PRDM16: variants seen among roughly 807,000 people sequenced by gnomAD.
PRDM16 encodes histone-lysine N-methyltransferase PRDM16.
A neutral mutation model predicts 110.6 loss-of-function variants in PRDM16; 23 were observed. The observed-to-expected ratio is 0.21, with a 90% confidence interval of 0.15 to 0.29. The LOEUF (loss-of-function observed/expected upper bound fraction) is 0.29. PRDM16 is among the 10% of genes least tolerant of loss of function. The pLI, the probability that PRDM16 is intolerant of heterozygous loss-of-function variation, is 1.00. For synonymous variants in PRDM16, 799 were observed against 781.8 expected (o/e 1.02, Z -0.37); for missense variants, 1,615 against 1,794.3 (o/e 0.90, Z 1.81).
intron 2 of PRDM16, among the ~76,000 whole-genome samples, chr1:3,195,590 C>T (rs915394954): frequency 1.3e-5 from 2 of 149,542 alleles, no homozygotes; most frequent in South Asian, 4.3e-4. Flanking sequence ...CACGCCCCGC[C>T]CCCCCTGTCC....
chr1:3,181,782 AGTCTTACACATGCAGTCTTACACACG>A lies in PRDM16; in HGVS notation c.38-4329_38-4304del, dbSNP rs1186177854. 7.6e-4 allele frequency among the ~76,000 whole-genome samples: 108 copies of A among 141,708 alleles called. 2 individuals are homozygous for A. The highest frequency in any genetic ancestry group is 3.8e-3 in the Middle Eastern group (1 of 262). 93.0% of individuals were successfully genotyped at this position (141,708 alleles called of 152,430 possible). ...GTCTTACACACAGTCTTACACATGC[AGTCTTACACATGCAGTCTTACACACG>A]GTCTTACACATGCGGTCTTACACAT... On this transcript the variant is annotated intron_variant, in intron 1 of 16. Coordinates refer to ENST00000270722, the MANE Select transcript of PRDM16 (RefSeq NM_022114.4).
intron 1 of PRDM16, among the ~76,000 whole-genome samples, chr1:3,118,067 ATG>A (rs541637203): frequency 1.1e-3 from 168 of 149,112 alleles, no homozygotes; most frequent in Non-Finnish European, 1.1e-3. Context: ...GTGTACATGC[ATG>A]TGTGTGTGCG....
At chr1:3,336,569 GGTGT>G (rs1557617920) in intron 3 of PRDM16, among the ~76,000 whole-genome samples, 1 of 151,312 alleles carries the variant, frequency 6.6e-6, no homozygotes. Context: ...CATGTGTGTT[GGTGT>G]GAGTCTGAGT....
chr1:3,377,178 TC>T (rs1259431917), intron 3 of PRDM16, among the ~76,000 whole-genome samples: 1 of 152,152 alleles, frequency 6.6e-6, no homozygotes, highest in East Asian at 1.9e-4. Context: ...GGAGACCCTC[TC>T]CCCCGGCTCC....
chr1:3,194,592 TCTCCCCACCACACGCCACC>T (rs1638408994), intron 2 of PRDM16, among the ~76,000 whole-genome samples: 1 of 148,404 alleles, frequency 6.7e-6, no homozygotes, highest in African/African-American at 2.5e-5. Context: ...CACGCCACCG[TCTCCCCACCACACGCCACC>T]GTCTCCCCAC....
chr1:3,404,923 A>G (rs1309772814), intron 7 of PRDM16, 37 bp downstream of exon 7: 1 of 1,600,766 alleles, frequency 6.2e-7, no homozygotes, highest in Non-Finnish European at 8.5e-7. Context: ...GCCCCGGGGC[A>G]GCAGGAGGCT....
chr1:3,106,749 C>T (rs1642666805), intron 1 of PRDM16, among the ~76,000 whole-genome samples: 1 of 152,182 alleles, frequency 6.6e-6, no homozygotes, highest in Non-Finnish European at 1.5e-5. Flanking sequence ...GGCGGGCTGC[C>T]TGAGGGTCCA....
At chr1:3,084,400 C>T (rs1439540510) in intron 1 of PRDM16, among the ~76,000 whole-genome samples, 1 of 152,318 alleles carries the variant, frequency 6.6e-6, no homozygotes, top group Admixed American at 6.5e-5. Context: ...AAGCGCTCGG[C>T]GGCCGGAGAG....
chr1:3,261,791 C>G (rs1640169966), intron 3 of PRDM16, among the ~76,000 whole-genome samples: 1 of 152,208 alleles, frequency 6.6e-6, no homozygotes, highest in Non-Finnish European at 1.5e-5. Flanking sequence ...GTCCTGGTCC[C>G]CACCCTCCAT....
intron 1 of PRDM16, among the ~76,000 whole-genome samples, chr1:3,141,806 G>A (rs2817184): frequency 0.45 from 68,010 of 152,124 alleles, 16,550 homozygotes; most frequent in Non-Finnish European, 0.55. Context: ...AAGCATAGAT[G>A]CATTCTCACT....
intron 1 of PRDM16, among the ~76,000 whole-genome samples, chr1:3,151,253 C>G (rs889632310): frequency 1.3e-5 from 2 of 152,224 alleles, no homozygotes; most frequent in Non-Finnish European, 2.9e-5. Context: ...CTAGAGAAGG[C>G]TCGACCAAGG....
intron 3 of PRDM16, among the ~76,000 whole-genome samples, chr1:3,352,222 G>C (rs1194257680): frequency 6.6e-6 from 1 of 152,192 alleles, no homozygotes; most frequent in African/African-American, 2.4e-5. Context: ...TCTCTGCCAT[G>C]GGCTGGTGCT....
chr1:3,088,831 AGGC>A (rs1464484091), intron 1 of PRDM16, among the ~76,000 whole-genome samples: 74 of 151,468 alleles, frequency 4.9e-4, no homozygotes, highest in African/African-American at 1.8e-3. Context: ...TCTGTCGCCC[AGGC>A]TGGAGTGCAA....
chr1:3,379,146 GCAC>G (rs1643050728), intron 3 of PRDM16, among the ~76,000 whole-genome samples: 1 of 28,158 alleles, frequency 3.6e-5, no homozygotes, highest in Non-Finnish European at 7.2e-5. Flanking sequence ...ACCCCTCCCA[GCAC>G]ACCCCTCCCA....
At chr1:3,231,148 C>T (rs1340430258) in intron 2 of PRDM16, among the ~76,000 whole-genome samples, 2 of 152,162 alleles carry the variant, frequency 1.3e-5, no homozygotes, top group Non-Finnish European at 2.9e-5. Flanking sequence ...TCCTGTGTGA[C>T]CTCCGTCCCA....
At chr1:3,319,085 T>G (rs1460673015) in intron 3 of PRDM16, among the ~76,000 whole-genome samples, 1 of 152,150 alleles carries the variant, frequency 6.6e-6, no homozygotes, top group African/African-American at 2.4e-5. Flanking sequence ...GAGGAGAATT[T>G]TTTTTCAGAA....
chr1:3,247,645 G>A (rs1228056718), intron 3 of PRDM16, among the ~76,000 whole-genome samples: 1 of 152,224 alleles, frequency 6.6e-6, no homozygotes, highest in Non-Finnish European at 1.5e-5. Flanking sequence ...CTGCGCCTTC[G>A]TTCACTCCGC....
chr1:3,414,468 A>G lies in PRDM16; in HGVS notation c.2604-92A>G, dbSNP rs1035925341. ...CATGGCCTTGTGACTGGCCAGGTAT[A>G]TGGTCAGGCGGGGTGGGCGGCTCTG... On this transcript the variant is annotated intron_variant, in intron 9 of 16. Coordinates refer to ENST00000270722, the MANE Select transcript of PRDM16 (RefSeq NM_022114.4). 2.1e-5 allele frequency: 19 copies of G among 897,760 alleles called. No homozygotes were observed. In the Admixed American group the frequency reaches 3.5e-4, roughly 17 times the overall value. The allele number at this position is 897,760 out of a possible 1,614,324, so 55.6% of individuals were successfully genotyped here. A position where few individuals can be genotyped will look rare whatever the true frequency, so the allele number is the denominator to read the frequency against.
chr1:3,225,530 CTGTGTGTGTGTGTGTGTGTG>C (rs57169358), intron 2 of PRDM16, among the ~76,000 whole-genome samples: 8 of 139,128 alleles, frequency 5.8e-5, no homozygotes, highest in Admixed American at 1.4e-4. Flanking sequence ...TGCAGCTTGC[CTGTGTGTGTGTGTGTGTGTG>C]TGTGTGTGTG....
Sources: allele counts gnomAD v4.1 joint callset (sites outside exome capture counted in the v4.1 genomes callset), GRCh38; gene constraint gnomAD v4.1.1; transcripts MANE v1.5; gene names NCBI Gene and HGNC (gene_info 2026-07-23, HGNC 2026-07-21).